CTNND2: variants seen among roughly 807,000 people sequenced by gnomAD.
CTNND2 encodes catenin delta-2.
Under a neutral mutation model 144.4 loss-of-function variants are expected in CTNND2, and 22 were observed. The ratio of observed to expected loss-of-function variants is 0.15; its 90% confidence interval spans 0.11 to 0.22. The LOEUF is 0.22. Among genes scored for constraint, CTNND2 ranks in the 10% least tolerant of loss-of-function variants. The pLI, the probability that CTNND2 is intolerant of heterozygous loss-of-function variation, is 1.00. For synonymous variants in CTNND2, 751 were observed against 695.6 expected, an observed-to-expected ratio of 1.08 and a Z score of -1.25; for missense variants, 1,353 against 1,618.8, an observed-to-expected ratio of 0.84 and a Z score of 2.82.
At chr5:11,080,219 G>C (rs2149630059) in intron 16 of CTNND2, among the ~76,000 whole-genome samples, 1 of 152,222 alleles carries the variant, frequency 6.6e-6, no homozygotes, top group South Asian at 2.1e-4. Flanking sequence ...CATATATGAA[G>C]AAAGGTTCAA....
intron 1 of CTNND2, among the ~76,000 whole-genome samples, chr5:11,862,032 C>T (rs1428561861): frequency 6.6e-6 from 1 of 152,162 alleles, no homozygotes; most frequent in Non-Finnish European, 1.5e-5. Flanking sequence ...TCTAAACTTG[C>T]TCTGTGGTTT....
chr5:11,464,728 G>A (rs1243612388), intron 3 of CTNND2, among the ~76,000 whole-genome samples: 1 of 152,182 alleles, frequency 6.6e-6, no homozygotes, highest in East Asian at 1.9e-4. Flanking sequence ...GTGGTGAGAA[G>A]TGGTTGATCC....
At chr5:11,294,153 C>T (rs194188) in intron 9 of CTNND2, among the ~76,000 whole-genome samples, 50,983 of 144,220 alleles carry the variant, frequency 0.35, 8,900 homozygotes, top group African/African-American at 0.39. Flanking sequence ...TCAACTCGTA[C>T]ATATAGTTTC....
rs562683493 is a variant in CTNND2 at position 11,248,264 on chromosome 5, T to C, written c.1629-11441A>G. Among the ~76,000 whole-genome samples the C allele has an allele frequency of 1.8e-4, 27 of 152,168 alleles. No homozygotes were observed. In the South Asian group the frequency reaches 5.4e-3, roughly 30 times the overall value. On this transcript the variant is annotated intron_variant, in intron 9 of 21. Coordinates refer to ENST00000304623, the MANE Select transcript of CTNND2 (RefSeq NM_001332.4). ...TTGATATCAGGGTAAGATCAGAATTTTGCCTCAGGATTAGATTAAGAATTT... is the reference window on the plus strand; with the variant it reads ...TTGATATCAGGGTAAGATCAGAATTCTGCCTCAGGATTAGATTAAGAATTT...
intron 1 of CTNND2, among the ~76,000 whole-genome samples, chr5:11,900,840 T>C (rs1304566245): frequency 1.3e-5 from 2 of 152,198 alleles, no homozygotes; most frequent in African/African-American, 4.8e-5. Context: ...TTAGTTTTTG[T>C]TCATTGTCTG....
chr5:11,535,940 G>A (rs569880068), intron 3 of CTNND2, among the ~76,000 whole-genome samples: 2 of 152,284 alleles, frequency 1.3e-5, no homozygotes, highest in Admixed American at 6.5e-5. Flanking sequence ...GTAAAACATG[G>A]CTAAAACCAA....
chr5:11,570,221 T>C (rs1326414963), intron 2 of CTNND2, among the ~76,000 whole-genome samples: 1 of 152,204 alleles, frequency 6.6e-6, no homozygotes, highest in Non-Finnish European at 1.5e-5. Context: ...CTGGAGTTTT[T>C]GACCTGCTCC....
intron 18 of CTNND2, among the ~76,000 whole-genome samples, chr5:11,000,175 G>T (rs1739789684): frequency 6.6e-6 from 1 of 152,180 alleles, no homozygotes; most frequent in African/African-American, 2.4e-5. Context: ...CTTTCATTCG[G>T]ACTGGTCTAC....
At chr5:11,809,663 G>C (rs930491725) in intron 1 of CTNND2, among the ~76,000 whole-genome samples, 1 of 152,124 alleles carries the variant, frequency 6.6e-6, no homozygotes, top group East Asian at 1.9e-4. Flanking sequence ...CATAAACAAG[G>C]GAACAGGTAA....
At chr5:11,228,353 CAAAAAAAAAAAAAA>C (rs564048343) in intron 10 of CTNND2, among the ~76,000 whole-genome samples, 1 of 26,734 alleles carries the variant, frequency 3.7e-5, no homozygotes. Flanking sequence ...CTCTCTCTCT[CAAAAAAAAAAAAAA>C]AAAAAAAAAA....
intron 9 of CTNND2, among the ~76,000 whole-genome samples, chr5:11,337,373 T>C (rs921854054): frequency 1.3e-5 from 2 of 152,190 alleles, no homozygotes; most frequent in Non-Finnish European, 2.9e-5. Flanking sequence ...TCTTAAACAT[T>C]CTGACCATTT....
At chr5:11,828,827 G>A (rs1365072777) in intron 1 of CTNND2, among the ~76,000 whole-genome samples, 1 of 152,200 alleles carries the variant, frequency 6.6e-6, no homozygotes, top group Non-Finnish European at 1.5e-5. Flanking sequence ...GGTTGGAACA[G>A]TTTGAAGGGC....
chr5:11,179,773 T>C (rs944003020), intron 11 of CTNND2, among the ~76,000 whole-genome samples: 4 of 152,166 alleles, frequency 2.6e-5, no homozygotes, highest in Non-Finnish European at 5.9e-5. Context: ...TAAAAAAATA[T>C]GTAATTGGCT....
At position 11,402,147 on chromosome 5, in the gene CTNND2, A is replaced by G. The variant is rs1340407171; in HGVS notation, c.440-4944T>C. On this transcript the variant is annotated intron_variant, in intron 5 of 21. Coordinates refer to ENST00000304623, the MANE Select transcript of CTNND2 (RefSeq NM_001332.4). The stretch of plus-strand genomic sequence containing the variant: ...ATAAAACAACAACAACAACAAAACT[A>G]ATGTCAGAGCAAATAGATGAGGAGC... 2.6e-5 allele frequency among the ~76,000 whole-genome samples: 4 copies of G among 152,268 alleles called. No homozygotes were observed. In the East Asian group the frequency reaches 5.8e-4, roughly 22 times the overall value.
intron 1 of CTNND2, among the ~76,000 whole-genome samples, chr5:11,826,591 TA>T (rs760980539): frequency 2.0e-4 from 30 of 152,024 alleles, no homozygotes; most frequent in Non-Finnish European, 4.3e-4. Flanking sequence ...ATATCCAATC[TA>T]ATATGGTCAA....
At chr5:11,534,602 T>C (rs1774045268) in intron 3 of CTNND2, among the ~76,000 whole-genome samples, 1 of 151,052 alleles carries the variant, frequency 6.6e-6, no homozygotes, top group African/African-American at 2.4e-5. Context: ...TGAAACTCCA[T>C]TGCAGGGGAA....
chr5:11,525,732 C>T (rs32435), intron 3 of CTNND2, among the ~76,000 whole-genome samples: 86,374 of 152,022 alleles, frequency 0.57, 25,025 homozygotes, highest in African/African-American at 0.65. Flanking sequence ...TTAACTGGCA[C>T]GCCTACACAG....
intron 5 of CTNND2, among the ~76,000 whole-genome samples, chr5:11,407,016 C>T (rs1427510103): frequency 6.6e-6 from 1 of 151,716 alleles, no homozygotes; most frequent in Non-Finnish European, 1.5e-5. Context: ...TATTTTTTTC[C>T]AGGTTATCCT....
intron 2 of CTNND2, among the ~76,000 whole-genome samples, chr5:11,594,747 C>T (rs1779421393): frequency 6.6e-6 from 1 of 152,120 alleles, no homozygotes; most frequent in South Asian, 2.1e-4. Flanking sequence ...CAATTTTTAT[C>T]TACTTATATG....
Sources: gnomAD v4.1 joint callset for allele counts (sites outside exome capture counted in the v4.1 genomes callset) on GRCh38, gnomAD v4.1.1 for gene constraint, MANE v1.5 for transcripts, NCBI Gene and HGNC (gene_info 2026-07-23, HGNC 2026-07-21) for gene names.